The following PTPRT variants were observed in gnomAD, a reference collection of about 807,000 sequenced individuals.
The protein encoded by PTPRT is receptor-type tyrosine-protein phosphatase T.
In PTPRT, 56 loss-of-function variants were observed where a neutral mutation model predicts 176.8. The ratio of observed to expected loss-of-function variants is 0.32; its 90% CI spans 0.26 to 0.40. PTPRT has a LOEUF of 0.40. Ranked by LOEUF, PTPRT falls within the 10% of genes least tolerant of loss-of-function variation. PTPRT has a pLI of 1.00. For synonymous variants in PTPRT, 783 were observed against 739.0 expected (o/e 1.06, Z -0.96); for missense variants, 1,540 against 1,908.2 (o/e 0.81, Z 3.60).
chr20:42,212,644 T>G (rs1379865330), intron 15 of PTPRT, among the ~76,000 whole-genome samples: 8 of 152,260 alleles, frequency 5.3e-5, no homozygotes, highest in Middle Eastern at 3.4e-3. Context: ...AGTTTCCTCC[T>G]GCCTGTAAAA....
chr20:42,458,139 T>C (rs1401029925), intron 8 of PTPRT, among the ~76,000 whole-genome samples: 1 of 152,216 alleles, frequency 6.6e-6, no homozygotes, highest in Non-Finnish European at 1.5e-5. Flanking sequence ...CCCTCTCCCA[T>C]GACGTCTTGC....
At chr20:43,059,354 A>G (rs572006571) in intron 1 of PTPRT, among the ~76,000 whole-genome samples, 1 of 152,288 alleles carries the variant, frequency 6.6e-6, no homozygotes, top group Admixed American at 6.5e-5. Flanking sequence ...AGCAGTGAGG[A>G]GGAGCCAAGG....
chr20:42,702,004 G>T (rs549857579), intron 6 of PTPRT, among the ~76,000 whole-genome samples: 60 of 152,004 alleles, frequency 3.9e-4, no homozygotes, highest in African/African-American at 1.4e-3. Flanking sequence ...CGTCACCGAG[G>T]TTAACCCTTA....
chr20:42,039,365 T>A, the PTPRT span, among the ~76,000 whole-genome samples: 1 of 152,100 alleles, frequency 6.6e-6, no homozygotes, highest in Non-Finnish European at 1.5e-5. Context: ...CTGTTAGCAA[T>A]TTTCAAATAT....
At chr20:42,238,157 C>T (rs964287744) in intron 14 of PTPRT, among the ~76,000 whole-genome samples, 3 of 152,060 alleles carry the variant, frequency 2.0e-5, no homozygotes, top group East Asian at 1.9e-4. Context: ...AAAATTTGCC[C>T]GAGGCTCTAT....
intron 13 of PTPRT, among the ~76,000 whole-genome samples, chr20:42,278,133 A>G (rs867212599): frequency 0.028 from 2,561 of 91,856 alleles, 173 homozygotes; most frequent in African/African-American, 0.098. Flanking sequence ...ATATATATAT[A>G]TTTGCAAGTT....
At position 42,791,291 on chromosome 20, in the gene PTPRT, G is replaced by C. The variant is rs2077371113; in HGVS notation, c.390C>G (p.Pro130=). 1 of 1,614,178 alleles carries C rather than the reference G, an allele frequency of 6.2e-7. No individual in the cohort carries two copies. The highest frequency in any genetic ancestry group is 1.7e-4 in the Middle Eastern group (1 of 6,060). The change falls in exon 3 of 31, where the codon CCC becomes CCG. Residue 130 remains proline, a synonymous_variant. Transcript: ENST00000373187. ...ACACATTCCACACAGGGTTCCCTTG[G>C]GGGCCACCATTCACCTTCACGTAGA... ...LNVYVKVNGG[P]QGNPVWNVSG...
At chr20:42,285,293 G>A (rs2057211004) in intron 12 of PTPRT, among the ~76,000 whole-genome samples, 1 of 151,822 alleles carries the variant, frequency 6.6e-6, no homozygotes, top group African/African-American at 2.4e-5. Flanking sequence ...GGTGCCAGGA[G>A]ACTATAGATG....
chr20:42,646,701 G>C (rs1410176161), intron 7 of PTPRT, among the ~76,000 whole-genome samples: 1 of 151,848 alleles, frequency 6.6e-6, no homozygotes, highest in Non-Finnish European at 1.5e-5. Context: ...AGTTCTGTTG[G>C]ATGGTGCTGC....
intron 2 of PTPRT, among the ~76,000 whole-genome samples, chr20:42,854,064 C>A (rs370878104): frequency 2.0e-5 from 3 of 152,162 alleles, no homozygotes; most frequent in Non-Finnish European, 2.9e-5. Context: ...ACTGGGGAGA[C>A]CTGCAGTACC....
intron 6 of PTPRT, among the ~76,000 whole-genome samples, chr20:42,729,405 T>C (rs557031485): frequency 2.3e-4 from 35 of 152,320 alleles, no homozygotes; most frequent in African/African-American, 7.9e-4. Context: ...TAAACAGTGA[T>C]CAAGGCTTTT....
intron 7 of PTPRT, among the ~76,000 whole-genome samples, chr20:42,613,102 T>G (rs556815067): frequency 6.6e-6 from 1 of 152,226 alleles, no homozygotes; most frequent in African/African-American, 2.4e-5. Flanking sequence ...AAACTTTTTT[T>G]GAAAAAGTTG....
chr20:42,469,370 A>AT (rs1330331895), intron 8 of PTPRT, among the ~76,000 whole-genome samples: 13 of 151,782 alleles, frequency 8.6e-5, no homozygotes, highest in Non-Finnish European at 1.6e-4. Context: ...TGCCCAGCTA[A>AT]TTTTTTGTAT....
At chr20:42,244,766 G>T (rs890235080) in intron 14 of PTPRT, among the ~76,000 whole-genome samples, 1 of 152,210 alleles carries the variant, frequency 6.6e-6, no homozygotes, top group Non-Finnish European at 1.5e-5. Context: ...ACATTGAATT[G>T]TAGACCTTCT....
rs201830301 is a variant in PTPRT, at chr20:42,106,790, G to C, written c.3386C>G (p.Thr1129Arg). The C allele has an allele frequency of 4.7e-4, 760 of 1,613,850 alleles. No individual in the cohort carries two copies. Among genetic ancestry groups the C allele is most frequent in the Non-Finnish European group, 6.1e-4 (722 of 1,179,868 alleles). Residue 1129 changes from threonine to arginine, a missense_variant, in exon 24 of 31, where the codon ACA becomes AGA. By Grantham distance (71) the Thr-to-Arg change is moderately conservative. This residue lies in a region of PTPRT where 248 missense variants were observed against 356.7 expected (regional missense o/e 0.70). Coordinates refer to ENST00000373187, the MANE Select transcript of PTPRT (RefSeq NM_007050.6). ...TCTTGGCCCCCTAGGACTCACCTCTGTCTGTACCAGGTTGACCCTTTGGGC... is the reference window on the plus strand; with the variant it reads ...TCTTGGCCCCCTAGGACTCACCTCTCTCTGTACCAGGTTGACCCTTTGGGC... ...LRAQRVNLVQTEEQYVFVHDA... is the reference protein window; with the variant it reads ...LRAQRVNLVQREEQYVFVHDA...
At chr20:42,747,828 T>C (rs2076712388) in intron 6 of PTPRT, among the ~76,000 whole-genome samples, 1 of 152,220 alleles carries the variant, frequency 6.6e-6, no homozygotes, top group Non-Finnish European at 1.5e-5. Context: ...GTTTGGATTT[T>C]ATTCTGAGTG....
chr20:42,957,087 T>A (rs1981687046), intron 1 of PTPRT, among the ~76,000 whole-genome samples: 1 of 152,182 alleles, frequency 6.6e-6, no homozygotes, highest in Non-Finnish European at 1.5e-5. Flanking sequence ...GTGACTTTTG[T>A]GGTCACTAAA....
At chr20:42,640,884 C>G (rs902927615) in intron 7 of PTPRT, among the ~76,000 whole-genome samples, 12 of 152,034 alleles carry the variant, frequency 7.9e-5, no homozygotes, top group Admixed American at 7.2e-4. Flanking sequence ...TCGGGCCCCA[C>G]CATTAATGAC....
the PTPRT span, among the ~76,000 whole-genome samples, chr20:42,048,522 G>A: frequency 2.6e-5 from 4 of 152,020 alleles, no homozygotes; most frequent in South Asian, 6.2e-4. Flanking sequence ...AGAATGCTAC[G>A]GCTGCCACGT....
Sources: gnomAD v4.1 joint callset for allele counts (sites outside exome capture counted in the v4.1 genomes callset) on GRCh38, gnomAD v4.1.1 for gene constraint, gnomAD v4.1.1 regional missense constraint, MANE v1.5 for transcripts, NCBI Gene and HGNC (gene_info 2026-07-23, HGNC 2026-07-21) for gene names.